SPOCK1: variants seen among roughly 807,000 people sequenced by gnomAD.
The protein encoded by SPOCK1 is testican-1.
In SPOCK1, 23 loss-of-function variants were observed where a neutral mutation model predicts 55.3. The observed-to-expected ratio is 0.42, with a 90% confidence interval of 0.30 to 0.59. The LOEUF is 0.59. SPOCK1 is among the 20% of genes least tolerant of loss of function. SPOCK1 has a pLI of 0.22. For missense variants in SPOCK1, 499 were observed against 552.5 expected (o/e 0.90, Z 0.97); for synonymous variants, 226 against 221.0 (o/e 1.02, Z -0.20).
intron 3 of SPOCK1, among the ~76,000 whole-genome samples, chr5:137,246,291 T>C (rs1025401134): frequency 3.3e-5 from 5 of 152,246 alleles, no homozygotes; most frequent in African/African-American, 1.2e-4. Flanking sequence ...AGTAACCATT[T>C]ACTATGATGC....
At chr5:137,012,446 T>C (rs1751368914) in intron 6 of SPOCK1, among the ~76,000 whole-genome samples, 2 of 152,102 alleles carry the variant, frequency 1.3e-5, no homozygotes. Context: ...CACACACACA[T>C]GCAATTCCAA....
intron 5 of SPOCK1, among the ~76,000 whole-genome samples, chr5:137,095,196 T>C (rs554214705): frequency 6.6e-6 from 1 of 152,274 alleles, no homozygotes; most frequent in Non-Finnish European, 1.5e-5. Context: ...CAGATCACCA[T>C]AACAAATATA....
At chr5:137,432,295 A>G (rs1181673812) in intron 2 of SPOCK1, among the ~76,000 whole-genome samples, 1 of 152,254 alleles carries the variant, frequency 6.6e-6, no homozygotes, top group Non-Finnish European at 1.5e-5. Context: ...TGGAGAAGAT[A>G]TCTGTATACC....
In SPOCK1 at chr5:137,326,053, G is replaced by A. The variant is rs75142026; in HGVS notation, c.187-58998C>T. On this transcript the variant is annotated intron_variant, in intron 2 of 10. Transcript: ENST00000394945. ...TACATTTTTACCAGCACTTCTTACC[G>A]TATTCCCTTTATTTCCATAAAAGAT... 5.5e-3 allele frequency among the ~76,000 whole-genome samples: 832 copies of A among 152,172 alleles called. 12 individuals carry two copies. The highest frequency in any genetic ancestry group is 0.015 in the African/African-American group (611 of 41,494).
chr5:137,026,732 A>C (rs6875046), intron 6 of SPOCK1, among the ~76,000 whole-genome samples: 1 of 152,102 alleles, frequency 6.6e-6, no homozygotes, highest in South Asian at 2.1e-4. Context: ...CCTGGAGCAC[A>C]GTCAATCCAA....
At chr5:137,371,011 T>C (rs1297803375) in intron 2 of SPOCK1, among the ~76,000 whole-genome samples, 1 of 152,218 alleles carries the variant, frequency 6.6e-6, no homozygotes, top group East Asian at 1.9e-4. Context: ...TGTACTGCAC[T>C]CTGGTTCCAG....
At chr5:137,351,989 A>C (rs981949875) in intron 2 of SPOCK1, among the ~76,000 whole-genome samples, 16 of 152,320 alleles carry the variant, frequency 1.1e-4, no homozygotes, top group African/African-American at 3.6e-4. Flanking sequence ...TTCTGTAAGC[A>C]AGGATATGGA....
At chr5:137,391,342 T>C (rs566808420) in intron 2 of SPOCK1, among the ~76,000 whole-genome samples, 65 of 152,210 alleles carry the variant, frequency 4.3e-4, no homozygotes, top group Non-Finnish European at 8.5e-4. Flanking sequence ...CTATTGTGAA[T>C]AGTGCTGCAA....
intron 3 of SPOCK1, among the ~76,000 whole-genome samples, chr5:137,188,849 T>C (rs1030950747): frequency 3.3e-5 from 5 of 152,106 alleles, no homozygotes; most frequent in South Asian, 2.1e-4. Flanking sequence ...AAAGGAAAAA[T>C]GATTGAAGGA....
intron 6 of SPOCK1, among the ~76,000 whole-genome samples, chr5:137,021,596 T>C (rs1751572999): frequency 6.6e-6 from 1 of 152,224 alleles, no homozygotes; most frequent in African/African-American, 2.4e-5. Flanking sequence ...AAAATGAATA[T>C]ACTAGCTGTG....
intron 2 of SPOCK1, among the ~76,000 whole-genome samples, chr5:137,335,186 T>G (rs1323169332): frequency 6.6e-6 from 1 of 152,204 alleles, no homozygotes; most frequent in Admixed American, 6.5e-5. Flanking sequence ...GGGCTAATAC[T>G]ATGAAATTAA....
intron 3 of SPOCK1, among the ~76,000 whole-genome samples, chr5:137,208,175 T>C (rs533700368): frequency 1.3e-5 from 2 of 152,338 alleles, no homozygotes; most frequent in East Asian, 3.9e-4. Flanking sequence ...TTTTTTTCTA[T>C]TTACGAGTAG....
chr5:137,177,465 A>T (rs914996454), intron 3 of SPOCK1, among the ~76,000 whole-genome samples: 3 of 152,128 alleles, frequency 2.0e-5, no homozygotes, highest in African/African-American at 7.2e-5. Flanking sequence ...AGAGAAAGTG[A>T]GGGCAAGGGA....
At chr5:137,220,267 G>A (rs36003185) in intron 3 of SPOCK1, among the ~76,000 whole-genome samples, 4,569 of 152,226 alleles carry the variant, frequency 0.03, 91 homozygotes, top group Non-Finnish European at 0.045. Context: ...GGTTAAATCT[G>A]TGGAAAAAGA....
chr5:137,427,694 G>A (rs1157641056), intron 2 of SPOCK1, among the ~76,000 whole-genome samples: 1 of 152,128 alleles, frequency 6.6e-6, no homozygotes, highest in Admixed American at 6.6e-5. Flanking sequence ...TGGATCACAA[G>A]GTCAGGAGAT....
At chr5:137,000,039 G>A (rs1282210738) in intron 6 of SPOCK1, among the ~76,000 whole-genome samples, 2 of 152,110 alleles carry the variant, frequency 1.3e-5, no homozygotes, top group Admixed American at 1.3e-4. Flanking sequence ...CGATCTCAGG[G>A]CTCTAGCAGA....
Position 137,253,176 on chromosome 5 carries a change from C to T in SPOCK1, c.232+13834G>A, listed in dbSNP as rs76885434. On this transcript the variant is annotated intron_variant, in intron 3 of 10. Transcript: ENST00000394945. The stretch of plus-strand genomic sequence containing the variant: ...AGAGGGCACCAACATCATTTATTCC[C>T]CTGCTTTTCTTACCAAAGACAATAG... 3.2e-3 allele frequency among the ~76,000 whole-genome samples: 485 copies of T among 152,260 alleles called. 2 individuals carry two copies. The highest frequency in any genetic ancestry group is 0.011 in the African/African-American group (459 of 41,534).
intron 3 of SPOCK1, among the ~76,000 whole-genome samples, chr5:137,178,496 T>C (rs1301290379): frequency 6.6e-6 from 1 of 152,240 alleles, no homozygotes; most frequent in African/African-American, 2.4e-5. Context: ...CACACCTTGC[T>C]TTTAAGGAGA....
At chr5:137,292,832 T>C (rs1234400253) in intron 2 of SPOCK1, among the ~76,000 whole-genome samples, 1 of 152,194 alleles carries the variant, frequency 6.6e-6, no homozygotes, top group Non-Finnish European at 1.5e-5. Flanking sequence ...GATTTATCAC[T>C]GGACAAACAC....
Sources: gnomAD v4.1 joint callset for allele counts (sites outside exome capture counted in the v4.1 genomes callset) on GRCh38, gnomAD v4.1.1 for gene constraint, MANE v1.5 for transcripts, NCBI Gene and HGNC (gene_info 2026-07-23, HGNC 2026-07-21) for gene names.